Variants in DDX10 observed in about 807,000 individuals in gnomAD.
The protein encoded by DDX10 is probable ATP-dependent RNA helicase DDX10.
Under a neutral mutation model 104.3 loss-of-function variants are expected in DDX10, and 74 were observed. The observed-to-expected ratio is 0.71, with a 90% CI of 0.59 to 0.86. The LOEUF is 0.86. DDX10 is among the 40% of genes least tolerant of loss of function. DDX10 has a pLI of 0.00. For synonymous variants in DDX10, 351 were observed against 353.4 expected, an observed-to-expected ratio of 0.99 and a Z score of 0.08; for missense variants, 952 against 1,040.0, an observed-to-expected ratio of 0.92 and a Z score of 1.16.
Position 108,723,155 on chromosome 11 carries a change from A to ATG in DDX10, c.1659_1660dup (p.Glu554ValfsTer84), listed in dbSNP as rs766240011. Reference sequence around the variant, plus strand: ...GTGGAAGAATTTAGAGCCTACTTCAATGAGAAAATGTCCATCCTTCAAAAA... The same window carrying ATG: ...GTGGAAGAATTTAGAGCCTACTTCAATGTGAGAAAATGTCCATCCTTCAAAAA... On this transcript the variant is annotated frameshift_variant, in exon 13 of 18. Coordinates refer to ENST00000322536, the MANE Select transcript of DDX10 (RefSeq NM_004398.4). LOFTEE classifies it high-confidence loss of function. The ATG allele has an allele frequency of 6.2e-7, 1 of 1,613,916 alleles. No individual in the cohort carries two copies. The highest frequency in any genetic ancestry group is 8.5e-7 in the Non-Finnish European group (1 of 1,179,898).
rs528836216 is a variant in DDX10, at chr11:108,685,238, G to A, written c.849-3698G>A. Among the ~76,000 whole-genome samples, 44 of 151,648 alleles carry A rather than the reference G, an allele frequency of 2.9e-4. No individual in the cohort carries two copies. In the Middle Eastern group the frequency reaches 0.01, roughly 35 times the overall value. The stretch of plus-strand genomic sequence containing the variant: ...GGTGTGGGATATAGTCTCGTGGTGC[G>A]CCGTTTCTTAAGCCGGTCTGAAAAG... On this transcript the variant is annotated intron_variant, in intron 6 of 17. Transcript: ENST00000322536.
intron 1 of DDX10, 57 bp downstream of exon 1, chr11:108,665,396 C>G: frequency 1.3e-6 from 2 of 1,497,886 alleles, no homozygotes; most frequent in Non-Finnish European, 1.8e-6. Context: ...CAGCGTCTCA[C>G]TGCGGCGAGG....
chr11:108,882,891 C>T (rs986437486), intron 16 of DDX10, among the ~76,000 whole-genome samples: 2 of 152,192 alleles, frequency 1.3e-5, no homozygotes, highest in Non-Finnish European at 2.9e-5. Flanking sequence ...GGGTCTTCAA[C>T]ATTTCCTCAT....
chr11:108,891,003 G>A (rs1041621292), intron 16 of DDX10, among the ~76,000 whole-genome samples: 1 of 152,032 alleles, frequency 6.6e-6, no homozygotes, highest in Non-Finnish European at 1.5e-5. Flanking sequence ...GACCATTTTT[G>A]TGTGTGTCTA....
At chr11:108,816,852 C>A (rs1862262987) in intron 13 of DDX10, among the ~76,000 whole-genome samples, 1 of 152,188 alleles carries the variant, frequency 6.6e-6, no homozygotes, top group Non-Finnish European at 1.5e-5. Flanking sequence ...CCACACCCGG[C>A]CAATAAAATA....
chr11:108,855,049 A>C (rs146038248), intron 16 of DDX10, among the ~76,000 whole-genome samples: 1 of 152,322 alleles, frequency 6.6e-6, no homozygotes, highest in African/African-American at 2.4e-5. Context: ...CTGGGTACCT[A>C]ATAGTGGTTT....
At chr11:108,682,617 AC>A (rs2094237130) in intron 6 of DDX10, among the ~76,000 whole-genome samples, 1 of 151,832 alleles carries the variant, frequency 6.6e-6, no homozygotes, top group Non-Finnish European at 1.5e-5. Flanking sequence ...ACTTCTTCCT[AC>A]CTTTGTGTCT....
chr11:108,684,879 T>G (rs2094241308), intron 6 of DDX10, among the ~76,000 whole-genome samples: 1 of 145,432 alleles, frequency 6.9e-6, no homozygotes, highest in Admixed American at 6.9e-5. Context: ...CCTGACTTTT[T>G]AATGATTGCC....
rs565653963 is a variant in DDX10, at chr11:108,667,940, C to T, written c.186+2601C>T. ...AAAAACTCTCCTACTAGACCATGAA[C>T]ATTCAAGGTCAGCAACCAGTGATAC... On this transcript the variant is annotated intron_variant, in intron 1 of 17. Transcript: ENST00000322536. Among the ~76,000 whole-genome samples the T allele has an allele frequency of 1.1e-4, 16 of 152,294 alleles. No homozygotes were observed. In the South Asian group the frequency reaches 3.3e-3, roughly 32 times the overall value.
At chr11:108,810,611 T>C (rs1275530927) in intron 13 of DDX10, among the ~76,000 whole-genome samples, 6 of 152,124 alleles carry the variant, frequency 3.9e-5, no homozygotes, top group African/African-American at 1.2e-4. Flanking sequence ...GTTGCTGGAT[T>C]AAATCGACAA....
At chr11:108,750,503 T>C (rs1310607009) in intron 13 of DDX10, among the ~76,000 whole-genome samples, 1 of 152,158 alleles carries the variant, frequency 6.6e-6, no homozygotes, top group African/African-American at 2.4e-5. Context: ...CAACTCTCTT[T>C]CACTCTCACC....
Position 108,732,368 on chromosome 11 carries a change from C to T in DDX10, c.1965+8906C>T, listed in dbSNP as rs146204119. On this transcript the variant is annotated intron_variant, in intron 13 of 17. Transcript: ENST00000322536. The stretch of plus-strand genomic sequence containing the variant: ...AAGTCACATTTTCTTTCTCTGCTGT[C>T]GTGCCTACCATTATTTGTGTGTAGT... Among the ~76,000 whole-genome samples the T allele has an allele frequency of 2.2e-4, 34 of 152,262 alleles. No homozygotes were observed. The Middle Eastern group carries it at 0.01, about 46-fold the overall frequency.
At chr11:108,758,163 G>T (rs541514933) in intron 13 of DDX10, among the ~76,000 whole-genome samples, 2 of 152,150 alleles carry the variant, frequency 1.3e-5, no homozygotes, top group South Asian at 4.1e-4. Flanking sequence ...GGTTCATGGT[G>T]ATAAGTGAGG....
At chr11:108,905,795 A>C (rs1863588552) in intron 16 of DDX10, among the ~76,000 whole-genome samples, 1 of 152,178 alleles carries the variant, frequency 6.6e-6, no homozygotes, top group Admixed American at 6.5e-5. Context: ...TCTGCAGGCT[A>C]TACAGGAAGC....
intron 13 of DDX10, among the ~76,000 whole-genome samples, chr11:108,744,519 T>C (rs1478659602): frequency 6.6e-6 from 1 of 152,198 alleles, no homozygotes; most frequent in Non-Finnish European, 1.5e-5. Context: ...TTAAAAATAC[T>C]ATTGAGCCTT....
chr11:108,843,113 A>C (rs1358959500), intron 15 of DDX10, among the ~76,000 whole-genome samples: 1 of 152,184 alleles, frequency 6.6e-6, no homozygotes, highest in African/African-American at 2.4e-5. Context: ...GGTGCTGCTG[A>C]GTGGGTGCAG....
At position 108,715,901 on chromosome 11, in the gene DDX10, G is replaced by C; in HGVS notation, c.1345G>C (p.Asp449His). 9.7e-6 allele frequency: 15 copies of C among 1,542,054 alleles called. No homozygotes were observed. The highest frequency in any genetic ancestry group is 3.5e-4 in the Middle Eastern group (2 of 5,718). Residue 449 changes from aspartate (D) to histidine (H), a missense_variant, in exon 11 of 18, where the codon GAT (aspartate) becomes CAT (histidine). This residue lies in a region of DDX10 where 533 missense variants were observed against 534.1 expected (regional missense o/e 1.00). Coordinates refer to ENST00000322536, the MANE Select transcript of DDX10 (RefSeq NM_004398.4). ...AAGAATCAATCCAGAAAAACTTATA[G>C]ATGTCCAGAAAAAATTGGAATCTAT... is the stretch of plus-strand genomic sequence containing the variant. ...EIKINPEKLI[D>H]VQKKLESILA... is the part of the protein sequence containing the mutation.
At chr11:108,862,705 G>T (rs1018951112) in intron 16 of DDX10, among the ~76,000 whole-genome samples, 3 of 152,160 alleles carry the variant, frequency 2.0e-5, no homozygotes, top group African/African-American at 7.2e-5. Flanking sequence ...GCTGTTCAGA[G>T]ACATTTAACC....
At chr11:108,827,708 C>G (rs1476756775) in intron 13 of DDX10, among the ~76,000 whole-genome samples, 1 of 152,044 alleles carries the variant, frequency 6.6e-6, no homozygotes, top group Non-Finnish European at 1.5e-5. Flanking sequence ...CTTGCATTGC[C>G]CACCCTGCTC....
Sources: allele counts gnomAD v4.1 joint callset (sites outside exome capture counted in the v4.1 genomes callset), GRCh38; gene constraint gnomAD v4.1.1; regional missense constraint gnomAD v4.1.1; transcripts MANE v1.5; gene names NCBI Gene and HGNC (gene_info 2026-07-23, HGNC 2026-07-21).